LRRIQ3: variants seen among roughly 807,000 people sequenced by gnomAD.
LRRIQ3 encodes leucine-rich repeat and IQ domain-containing protein 3.
LRRIQ3 carries 75 observed loss-of-function variants against 59.3 expected under a neutral mutation model. The ratio of observed to expected loss-of-function variants is 1.26; its 90% confidence interval spans 1.05 to 1.53. The LOEUF (loss-of-function observed/expected upper bound fraction) is 1.53, where lower values mean the gene tolerates loss of function less well. Among genes scored for constraint, LRRIQ3 ranks in the 40% most tolerant of loss-of-function variants. LRRIQ3 has a pLI of 0.00. For synonymous variants in LRRIQ3, 250 were observed against 231.3 expected, an observed-to-expected ratio of 1.08 and a Z score of -0.73; for missense variants, 831 against 710.0, an observed-to-expected ratio of 1.17 and a Z score of -1.94.
rs770480345 is a variant in LRRIQ3 at position 74,041,703 on chromosome 1, G to A, written c.1228C>T (p.Pro410Ser). The change falls in exon 7 of 8, where the codon CCA (proline) becomes TCA (serine). Residue 410 changes from proline to serine, a missense_variant. Coordinates refer to ENST00000354431, the MANE Select transcript of LRRIQ3 (RefSeq NM_001105659.2). ...LERSMKEFFAPQRAGMKLRTF... is the reference protein window; with the variant it reads ...LERSMKEFFASQRAGMKLRTF... ...CGGAGTTTCATACCAGCTCTTTGTG[G>A]TGCAAAAAACTCTTTCATACTCCGC... The A allele has an allele frequency of 3.2e-5, 51 of 1,613,138 alleles. 4 individuals are homozygous for A. The South Asian group carries it at 4.6e-4, about 15-fold the overall frequency.
chr1:74,108,813 T>C, intron 5 of LRRIQ3: 1 of 317,350 alleles, frequency 3.2e-6, no homozygotes, highest in South Asian at 2.7e-5. Context: ...ATTAATTATG[T>C]AGCTTTTGGT....
At chr1:74,059,684 C>T (rs1654645314) in intron 6 of LRRIQ3, among the ~76,000 whole-genome samples, 1 of 151,882 alleles carries the variant, frequency 6.6e-6, no homozygotes, top group Non-Finnish European at 1.5e-5. Flanking sequence ...GTTGGAAATC[C>T]CCTACATTCT....
At chr1:74,197,228 T>C (rs970482733) in intron 1 of LRRIQ3, among the ~76,000 whole-genome samples, 14 of 152,216 alleles carry the variant, frequency 9.2e-5, no homozygotes, top group Admixed American at 3.9e-4. Flanking sequence ...CAAGAGTTTA[T>C]GGTGCCCTGA....
chr1:74,087,862 G>C (rs531471700), intron 5 of LRRIQ3, among the ~76,000 whole-genome samples: 62 of 152,182 alleles, frequency 4.1e-4, no homozygotes, highest in Non-Finnish European at 6.3e-4. Context: ...ACCTTGGGAG[G>C]CTGAGGCAGG....
intron 6 of LRRIQ3, among the ~76,000 whole-genome samples, chr1:74,071,787 C>A (rs373983516): frequency 3.9e-5 from 6 of 152,216 alleles, no homozygotes; most frequent in Admixed American, 2.6e-4. Context: ...TACACCAGGA[C>A]AACAGGCACT....
At chr1:74,044,788 G>C (rs563885118) in intron 6 of LRRIQ3, among the ~76,000 whole-genome samples, 1 of 152,184 alleles carries the variant, frequency 6.6e-6, no homozygotes, top group Admixed American at 6.5e-5. Flanking sequence ...TATCACCACC[G>C]ATTCCACAGA....
At chr1:74,173,630 C>A (rs986079255) in intron 3 of LRRIQ3, among the ~76,000 whole-genome samples, 1 of 151,720 alleles carries the variant, frequency 6.6e-6, no homozygotes, top group Non-Finnish European at 1.5e-5. Context: ...TTTACTGTCC[C>A]CTCCCATATT....
At chr1:74,147,412 A>T (rs1308608223) in intron 4 of LRRIQ3, among the ~76,000 whole-genome samples, 1 of 152,162 alleles carries the variant, frequency 6.6e-6, no homozygotes, top group East Asian at 1.9e-4. Flanking sequence ...ACTCATGATA[A>T]ATAAAAACAT....
chr1:74,154,887 G>T (rs906722011), intron 4 of LRRIQ3, among the ~76,000 whole-genome samples: 1 of 152,184 alleles, frequency 6.6e-6, no homozygotes, highest in African/African-American at 2.4e-5. Context: ...CGGAGGCACT[G>T]TATTTATGGT....
intron 3 of LRRIQ3, among the ~76,000 whole-genome samples, chr1:74,166,884 A>G (rs989720868): frequency 6.6e-6 from 1 of 151,948 alleles, no homozygotes; most frequent in African/African-American, 2.4e-5. Context: ...GAAAACACAA[A>G]TCAAAACCAC....
intron 4 of LRRIQ3, among the ~76,000 whole-genome samples, chr1:74,120,900 T>C (rs929627636): frequency 3.9e-5 from 6 of 152,106 alleles, no homozygotes; most frequent in East Asian, 1.9e-4. Context: ...CTTTACTTGG[T>C]CAAATTTATT....
intron 4 of LRRIQ3, among the ~76,000 whole-genome samples, chr1:74,146,195 C>T (rs1647558118): frequency 6.6e-6 from 1 of 152,054 alleles, no homozygotes; most frequent in Admixed American, 6.6e-5. Context: ...AATCACCTAA[C>T]AACATGTTTC....
intron 2 of LRRIQ3, 46 bp from the exon 3 acceptor site, chr1:74,182,907 C>A: frequency 2.8e-6 from 3 of 1,066,664 alleles, no homozygotes; most frequent in Admixed American, 3.1e-5. Context: ...TTACTTTTTT[C>A]GAATAGCACA....
chr1:74,170,403 A>G (rs1470565452), intron 3 of LRRIQ3, among the ~76,000 whole-genome samples: 1 of 152,200 alleles, frequency 6.6e-6, no homozygotes, highest in Non-Finnish European at 1.5e-5. Context: ...TTTTCTCAAC[A>G]TCATCTATTG....
chr1:74,097,184 T>A (rs933375569), intron 5 of LRRIQ3, among the ~76,000 whole-genome samples: 4 of 152,080 alleles, frequency 2.6e-5, no homozygotes, highest in Non-Finnish European at 4.4e-5. Context: ...ATGAATGGCT[T>A]ACTAGAATAA....
At chr1:74,059,832 T>C (rs554576080) in intron 6 of LRRIQ3, among the ~76,000 whole-genome samples, 1 of 152,030 alleles carries the variant, frequency 6.6e-6, no homozygotes, top group Non-Finnish European at 1.5e-5. Flanking sequence ...AGAAAATGAG[T>C]GTCTTTCCAT....
chr1:74,132,278 T>C (rs1275180448), intron 4 of LRRIQ3, among the ~76,000 whole-genome samples: 1 of 152,098 alleles, frequency 6.6e-6, no homozygotes, highest in Non-Finnish European at 1.5e-5. Flanking sequence ...GAATCAATAT[T>C]GTGAAAATGG....
At chr1:74,068,815 A>G (rs961449067) in intron 6 of LRRIQ3, among the ~76,000 whole-genome samples, 1 of 151,396 alleles carries the variant, frequency 6.6e-6, no homozygotes, top group African/African-American at 2.4e-5. Context: ...CCAGCAAACA[A>G]TTTAGGAGAA....
At chr1:74,154,019 A>C (rs1648149185) in intron 4 of LRRIQ3, among the ~76,000 whole-genome samples, 1 of 151,974 alleles carries the variant, frequency 6.6e-6, no homozygotes, top group African/African-American at 2.4e-5. Flanking sequence ...AGGTGTGCGG[A>C]TCACGAGGTC....
Sources: gnomAD v4.1 joint callset for allele counts (sites outside exome capture counted in the v4.1 genomes callset) on GRCh38, gnomAD v4.1.1 for gene constraint, MANE v1.5 for transcripts, NCBI Gene and HGNC (gene_info 2026-07-23, HGNC 2026-07-21) for gene names.